The following ZCWPW2 variants were observed in gnomAD, a reference collection of about 807,000 sequenced individuals.
ZCWPW2 encodes zinc finger CW-type and PWWP domain containing 2.
In ZCWPW2, 45 loss-of-function variants were observed where a neutral mutation model predicts 46.6. The observed-to-expected ratio is 0.96, with a 90% CI of 0.76 to 1.24. The LOEUF (loss-of-function observed/expected upper bound fraction) is 1.24. Among genes scored for constraint, ZCWPW2 ranks in the 50% most tolerant of loss-of-function variants. The pLI is 0.00. For synonymous variants in ZCWPW2, 152 were observed against 137.1 expected (o/e 1.11, Z -0.76); for missense variants, 429 against 403.9 (o/e 1.06, Z -0.53).
chr3:28,406,907 A>AGCT (rs774184322), intron 2 of ZCWPW2, among the ~76,000 whole-genome samples: 16 of 149,144 alleles, frequency 1.1e-4, no homozygotes, highest in Non-Finnish European at 2.2e-4. Flanking sequence ...AGCTCACTGC[A>AGCT]GCTTCCAACT....
At chr3:28,417,103 T>C (rs1267158834) in intron 3 of ZCWPW2, among the ~76,000 whole-genome samples, 10 of 150,296 alleles carry the variant, frequency 6.7e-5, no homozygotes, top group Non-Finnish European at 1.3e-4. Flanking sequence ...GATAGACCGC[T>C]AGGAAGACTA....
chr3:28,365,842 T>G (rs1028771469), intron 1 of ZCWPW2, among the ~76,000 whole-genome samples: 1 of 141,102 alleles, frequency 7.1e-6, no homozygotes, highest in Non-Finnish European at 1.6e-5. Context: ...GTTTGTAGTT[T>G]TCCTTGAAGA....
rs542679354 is a variant in ZCWPW2 at position 28,516,695 on chromosome 3, A to T, written c.784+1074A>T. 2.0e-5 allele frequency among the ~76,000 whole-genome samples: 3 copies of T among 152,172 alleles called. No homozygotes were observed. In the South Asian group the frequency reaches 6.2e-4, roughly 32 times the overall value. On this transcript the variant is annotated intron_variant, in intron 8 of 9. Coordinates refer to ENST00000383768, the MANE Select transcript of ZCWPW2 (RefSeq NM_001040432.4). ...TGCATTTCAATTGGCTAAATAAGTC[A>T]GTCGTTGTAGTCTTATTAAAAGAAA...
chr3:28,357,276 C>G (rs1244737628), intron 1 of ZCWPW2, among the ~76,000 whole-genome samples: 1 of 152,150 alleles, frequency 6.6e-6, no homozygotes, highest in African/African-American at 2.4e-5. Context: ...CTACATTTTT[C>G]AAATACGTTG....
chr3:28,377,186 G>A (rs1705527013), intron 1 of ZCWPW2, among the ~76,000 whole-genome samples: 1 of 151,902 alleles, frequency 6.6e-6, no homozygotes, highest in Non-Finnish European at 1.5e-5. Flanking sequence ...TTACTCTGCA[G>A]ATTCATATGT....
chr3:28,360,535 A>G (rs1053343144), intron 1 of ZCWPW2, among the ~76,000 whole-genome samples: 25 of 151,708 alleles, frequency 1.6e-4, no homozygotes, highest in Non-Finnish European at 3.4e-4. Context: ...AAAAAAAAAA[A>G]AAATTCTGTT....
intron 1 of ZCWPW2, among the ~76,000 whole-genome samples, chr3:28,384,501 T>C (rs1441321712): frequency 6.6e-6 from 1 of 152,168 alleles, no homozygotes; most frequent in African/African-American, 2.4e-5. Context: ...ACTGAAAATA[T>C]TTCATTCTGG....
rs1387362139 is a variant in ZCWPW2 at position 28,525,597 on chromosome 3, A to G, written c.*909A>G. The stretch of plus-strand genomic sequence containing the variant: ...AGAAGAAGTGCACGAGAGCATCACC[A>G]CAGCGGTGAATTTTATTGTGAGTTG... On this transcript the variant is annotated 3_prime_UTR_variant, in exon 10 of 10. Coordinates refer to ENST00000383768, the MANE Select transcript of ZCWPW2 (RefSeq NM_001040432.4). Among the ~76,000 whole-genome samples the G allele has an allele frequency of 6.6e-6, 1 of 152,178 alleles. No individual in the cohort carries two copies. Among genetic ancestry groups the G allele is most frequent in the Non-Finnish European group, 1.5e-5 (1 of 68,026 alleles).
At chr3:28,492,010 C>A (rs1336130284) in intron 5 of ZCWPW2, 117 bp from the exon 6 acceptor site, 3 of 1,040,922 alleles carry the variant, frequency 2.9e-6, no homozygotes, top group Admixed American at 2.5e-5. Context: ...ACAACGGGAA[C>A]AAAATACTGT....
chr3:28,411,981 T>C (rs1016578204), intron 2 of ZCWPW2, among the ~76,000 whole-genome samples: 1 of 152,024 alleles, frequency 6.6e-6, no homozygotes, highest in Admixed American at 6.6e-5. Flanking sequence ...ATTTTCGAAC[T>C]ATGGCTATTG....
At chr3:28,492,591 TAATG>T (rs1317723860) in intron 6 of ZCWPW2, among the ~76,000 whole-genome samples, 6 of 152,116 alleles carry the variant, frequency 3.9e-5, no homozygotes, top group Non-Finnish European at 8.8e-5. Context: ...TCAGCCATCT[TAATG>T]AATTTTCTGA....
At chr3:28,446,562 T>TA (rs1697998757) in intron 4 of ZCWPW2, among the ~76,000 whole-genome samples, 2 of 151,636 alleles carry the variant, frequency 1.3e-5, no homozygotes, top group Middle Eastern at 6.8e-3. Context: ...AAACACTTAT[T>TA]AAAAAAACAA....
intron 2 of ZCWPW2, among the ~76,000 whole-genome samples, chr3:28,407,802 G>A (rs1274312456): frequency 2.6e-5 from 4 of 152,144 alleles, no homozygotes; most frequent in African/African-American, 9.7e-5. Flanking sequence ...ATTGTACTCA[G>A]CATAGCTTTG....
chr3:28,498,723 A>G lies in ZCWPW2; in HGVS notation c.657+6550A>G, dbSNP rs1281589066. On this transcript the variant is annotated intron_variant, in intron 6 of 9. Transcript: ENST00000383768. ...GTGCAGGTTTGTTACATAGGTATACACGTGCCATGGTGGTTTGCTGCACCC... is the reference window on the plus strand; with the variant it reads ...GTGCAGGTTTGTTACATAGGTATACGCGTGCCATGGTGGTTTGCTGCACCC... Among the ~76,000 whole-genome samples, 3 of 151,746 alleles carry G rather than the reference A, an allele frequency of 2.0e-5. No homozygotes were observed. In the East Asian group the frequency reaches 5.8e-4, roughly 29 times the overall value.
Position 28,507,055 on chromosome 3 carries a change from G to A in ZCWPW2, c.658-7009G>A, listed in dbSNP as rs531487561. 2.0e-4 allele frequency among the ~76,000 whole-genome samples: 30 copies of A among 152,248 alleles called. No individual in the cohort carries two copies. In the South Asian group the frequency reaches 5.0e-3, roughly 25 times the overall value. ...GACTTGCTGGCTATTGGAGTGGTCA[G>A]GTGACTTACAAAAATGACATAGCCA... On this transcript the variant is annotated intron_variant, in intron 6 of 9. Coordinates refer to ENST00000383768, the MANE Select transcript of ZCWPW2 (RefSeq NM_001040432.4).
chr3:28,392,587 A>C (rs189083215), intron 2 of ZCWPW2, among the ~76,000 whole-genome samples: 1 of 152,212 alleles, frequency 6.6e-6, no homozygotes, highest in Admixed American at 6.5e-5. Context: ...GAGTCTTAAC[A>C]AATTTAGGAA....
intron 2 of ZCWPW2, among the ~76,000 whole-genome samples, chr3:28,394,097 A>C (rs1189468741): frequency 6.6e-6 from 1 of 152,132 alleles, no homozygotes; most frequent in Non-Finnish European, 1.5e-5. Context: ...TTATAAAATA[A>C]ATATAAAAAT....
At chr3:28,456,328 G>T (rs1222824763) in intron 4 of ZCWPW2, among the ~76,000 whole-genome samples, 1 of 152,170 alleles carries the variant, frequency 6.6e-6, no homozygotes, top group Admixed American at 6.5e-5. Context: ...TATTGACTTT[G>T]TGTCCTGATA....
At position 28,413,261 on chromosome 3, in the gene ZCWPW2, G is replaced by GA; in HGVS notation, c.194dup (p.Asp65GlufsTer5). On this transcript the variant is annotated frameshift_variant, in exon 3 of 10. Transcript: ENST00000383768. LOFTEE classifies it high-confidence loss of function. ...ACCATGGTACTGCTTCATGAACACT[G>GA]ATTCAAGATATAATAACTGCTCAAT... 6.2e-7 allele frequency: 1 copy of GA among 1,613,342 alleles called. No individual in the cohort carries two copies. Among genetic ancestry groups the GA allele is most frequent in the African/African-American group, 1.3e-5 (1 of 74,992 alleles).
Sources: gnomAD v4.1 joint callset for allele counts (sites outside exome capture counted in the v4.1 genomes callset) on GRCh38, gnomAD v4.1.1 for gene constraint, MANE v1.5 for transcripts, NCBI Gene and HGNC (gene_info 2026-07-23, HGNC 2026-07-21) for gene names.